Variants in SLC25A17 observed in about 807,000 individuals in gnomAD.
SLC25A17 encodes solute carrier family 25 member 17, also known as peroxisomal membrane protein PMP34.
SLC25A17 carries 26 observed loss-of-function variants against 38.5 expected under a neutral mutation model. The observed-to-expected ratio is 0.68, with a 90% CI of 0.50 to 0.94. The LOEUF (loss-of-function observed/expected upper bound fraction) is 0.94. Among genes scored for constraint, SLC25A17 ranks in the 40% least tolerant of loss-of-function variants. SLC25A17 has a pLI of 0.00. For synonymous variants in SLC25A17, 139 were observed against 136.2 expected, an observed-to-expected ratio of 1.02 and a Z score of -0.14; for missense variants, 333 against 372.7, an observed-to-expected ratio of 0.89 and a Z score of 0.88.
chr22:40,814,690 G>C (rs1476640612), intron 1 of SLC25A17, among the ~76,000 whole-genome samples: 1 of 151,278 alleles, frequency 6.6e-6, no homozygotes, highest in Non-Finnish European at 1.5e-5. Flanking sequence ...TAGGAAGTCA[G>C]AGTTGACCTT....
At chr22:40,809,734 G>A (rs1464473057) in intron 1 of SLC25A17, among the ~76,000 whole-genome samples, 1 of 152,038 alleles carries the variant, frequency 6.6e-6, no homozygotes, top group Non-Finnish European at 1.5e-5. Flanking sequence ...AAGACTCTGG[G>A]GTTGGTGAAA....
intron 3 of SLC25A17, among the ~76,000 whole-genome samples, chr22:40,793,360 T>G (rs1187662168): frequency 6.6e-6 from 1 of 152,174 alleles, no homozygotes; most frequent in African/African-American, 2.4e-5. Flanking sequence ...GCACAGGATA[T>G]TTGTATTGTT....
At position 40,777,337 on chromosome 22, in the gene SLC25A17, G is replaced by A. The variant is rs774570211; in HGVS notation, c.488C>T (p.Ser163Leu). The A allele has an allele frequency of 9.3e-6, 15 of 1,613,978 alleles. No homozygotes were observed. Among genetic ancestry groups the A allele is most frequent in the East Asian group, 6.7e-5 (3 of 44,900 alleles). The change falls in exon 6 of 9, where the codon TCG (serine) becomes TTG (leucine). Residue 163 changes from serine to leucine, a missense_variant. Transcript: ENST00000435456. Reference sequence around the variant, plus strand: ...GGGAAATGTGCCATTCCATAAAGCCGAGATTCCTTCATCGCGAATGATCTG... The same window carrying A: ...GGGAAATGTGCCATTCCATAAAGCCAAGATTCCTTCATCGCGAATGATCTG... Reference protein sequence around the residue: ...FHQIIRDEGISALWNGTFPSL... With the variant: ...FHQIIRDEGILALWNGTFPSL...
chr22:40,803,305 C>A (rs1168279019), intron 1 of SLC25A17, among the ~76,000 whole-genome samples: 1 of 152,126 alleles, frequency 6.6e-6, no homozygotes, highest in Non-Finnish European at 1.5e-5. Context: ...CCTGGTCCCC[C>A]TCTCCTTCCT....
chr22:40,792,629 C>T lies in SLC25A17; in HGVS notation c.230G>A (p.Cys77Tyr). Reference protein sequence around the residue: ...GWFPVISSLCCSNFVYFYTFN... With the variant: ...GWFPVISSLCYSNFVYFYTFN... ...AGTGTAGAAATAGACAAAATTGGAG[C>T]AGCAGAGACTGGAAATCACTGGAAA... Residue 77 changes from cysteine (C) to tyrosine (Y), a missense_variant, in exon 4 of 9, where the codon TGC becomes TAC. Cys to Tyr is a radical substitution (Grantham distance 194). Transcript: ENST00000435456. 6.2e-7 allele frequency: 1 copy of T among 1,614,016 alleles called. No individual in the cohort carries two copies. Among genetic ancestry groups the T allele is most frequent in the East Asian group, 2.2e-5 (1 of 44,868 alleles).
intron 1 of SLC25A17, among the ~76,000 whole-genome samples, chr22:40,799,823 CTCTT>C (rs887084756): frequency 5.3e-5 from 8 of 152,144 alleles, no homozygotes; most frequent in African/African-American, 1.2e-4. Flanking sequence ...AAGAAAACTC[CTCTT>C]TCTGTCTCTC....
intron 7 of SLC25A17, among the ~76,000 whole-genome samples, chr22:40,775,727 T>G (rs1402432040): frequency 6.6e-6 from 1 of 151,806 alleles, no homozygotes; most frequent in Non-Finnish European, 1.5e-5. Context: ...CCTCCCAAAG[T>G]GCTGGGATTA....
intron 4 of SLC25A17, among the ~76,000 whole-genome samples, chr22:40,781,346 C>T (rs1015097837): frequency 3.3e-5 from 5 of 151,868 alleles, no homozygotes; most frequent in Non-Finnish European, 7.4e-5. Context: ...CCCCGGCTCA[C>T]ACCATTCTCC....
intron 1 of SLC25A17, among the ~76,000 whole-genome samples, chr22:40,815,551 A>G (rs906269628): frequency 6.6e-6 from 1 of 152,228 alleles, no homozygotes; most frequent in Non-Finnish European, 1.5e-5. Context: ...GAACATTTCA[A>G]TTCCCTTAAA....
chr22:40,776,970 G>T, intron 7 of SLC25A17, 70 bp downstream of exon 7: 2 of 1,273,616 alleles, frequency 1.6e-6, no homozygotes, highest in Non-Finnish European at 2.3e-6. Context: ...TATTAACATT[G>T]TTTTAAATCA....
intron 1 of SLC25A17, among the ~76,000 whole-genome samples, chr22:40,810,343 T>A (rs1264471679): frequency 2.0e-5 from 3 of 149,282 alleles, no homozygotes; most frequent in African/African-American, 7.5e-5. Flanking sequence ...ATGCATTAAA[T>A]ATTCTTTTTT....
chr22:40,785,071 G>T (rs1021026496), intron 4 of SLC25A17, among the ~76,000 whole-genome samples: 11 of 152,100 alleles, frequency 7.2e-5, no homozygotes, highest in African/African-American at 2.7e-4. Context: ...CCCAATTTGC[G>T]AATTGTTCTT....
At chr22:40,795,327 C>A (rs142205373) in intron 2 of SLC25A17, among the ~76,000 whole-genome samples, 1 of 151,002 alleles carries the variant, frequency 6.6e-6, no homozygotes. Context: ...GAGTCTCGCT[C>A]TGTCACCCAG....
At chr22:40,808,114 C>A (rs1360403702) in intron 1 of SLC25A17, among the ~76,000 whole-genome samples, 1 of 152,014 alleles carries the variant, frequency 6.6e-6, no homozygotes, top group East Asian at 1.9e-4. Flanking sequence ...TATTTTGAGT[C>A]CCACAGAATT....
Position 40,775,006 on chromosome 22 carries a change from G to A in SLC25A17, c.694-987C>T, listed in dbSNP as rs116413948. Among the ~76,000 whole-genome samples, 380 of 152,068 alleles carry A rather than the reference G, an allele frequency of 2.5e-3. 3 individuals carry two copies. The highest frequency in any genetic ancestry group is 8.7e-3 in the African/African-American group (360 of 41,480). On this transcript the variant is annotated intron_variant, in intron 7 of 8. Coordinates refer to ENST00000435456, the MANE Select transcript of SLC25A17 (RefSeq NM_006358.4). ...CCTCTCTTGCCTGTATTACTGAAAT[G>A]GCCTCCTACTAGATTGCCCCTGGCT...
At chr22:40,812,783 C>T (rs940411161) in intron 1 of SLC25A17, among the ~76,000 whole-genome samples, 4 of 151,728 alleles carry the variant, frequency 2.6e-5, no homozygotes, top group Non-Finnish European at 5.9e-5. Context: ...GGGAGAATGG[C>T]TTGAGCTCAG....
At chr22:40,817,205 T>C (rs1456737197) in intron 1 of SLC25A17, 2 of 152,272 alleles carry the variant, frequency 1.3e-5, no homozygotes, top group Non-Finnish European at 2.9e-5. Flanking sequence ...GTCCTCACCT[T>C]ACTTGACCCA....
chr22:40,814,792 G>A (rs1032500807), intron 1 of SLC25A17, among the ~76,000 whole-genome samples: 29 of 118,354 alleles, frequency 2.5e-4, no homozygotes, highest in African/African-American at 7.2e-4. Flanking sequence ...TATATATATT[G>A]TTGTTGTTGT....
rs6002161 is a variant in SLC25A17, at chr22:40,810,345, T to A, written c.54+8850A>T. ...CAAATTCATAGCTATGCATTAAATATTCTTTTTTTTTTTTTTTTTGAGACA... is the reference window on the plus strand; with the variant it reads ...CAAATTCATAGCTATGCATTAAATAATCTTTTTTTTTTTTTTTTTGAGACA... On this transcript the variant is annotated intron_variant, in intron 1 of 8. Coordinates refer to ENST00000435456, the MANE Select transcript of SLC25A17 (RefSeq NM_006358.4). 3.6e-3 allele frequency among the ~76,000 whole-genome samples: 526 copies of A among 147,876 alleles called. 5 individuals carry two copies. The highest frequency in any genetic ancestry group is 0.013 in the African/African-American group (506 of 39,752).
Sources: gnomAD v4.1 joint callset for allele counts (sites outside exome capture counted in the v4.1 genomes callset) on GRCh38, gnomAD v4.1.1 for gene constraint, MANE v1.5 for transcripts, NCBI Gene and HGNC (gene_info 2026-07-23, HGNC 2026-07-21) for gene names.